The following CHD5 variants were observed in gnomAD, a reference collection of about 807,000 sequenced individuals.
CHD5 encodes the protein ATP-dependent chromatin remodeler CHD5.
In CHD5, 69 loss-of-function variants were observed where a neutral mutation model predicts 230.3. That is an observed-to-expected ratio of 0.30 (90% CI 0.25 to 0.37). CHD5 has a LOEUF of 0.37. Ranked by LOEUF, CHD5 falls within the 10% of genes least tolerant of loss-of-function variation. The probability of loss-of-function intolerance (pLI) is 1.00; values close to 1 mark genes in which losing one functional copy is unlikely to be tolerated. For missense variants in CHD5, 1,827 were observed against 2,622.8 expected, an observed-to-expected ratio of 0.70 and a Z score of 6.63; for synonymous variants, 1,064 against 1,065.9, an observed-to-expected ratio of 1.00 and a Z score of 0.03.
intron 3 of CHD5, among the ~76,000 whole-genome samples, chr1:6,157,858 C>T (rs926479009): frequency 1.3e-5 from 2 of 152,194 alleles, no homozygotes; most frequent in Non-Finnish European, 2.9e-5. Context: ...CCCGCAGCGA[C>T]GATCCGTCTC....
chr1:6,124,419 G>A (rs1666520055), intron 30 of CHD5, 98 bp downstream of exon 30: 19 of 1,403,386 alleles, frequency 1.4e-5, no homozygotes, highest in Non-Finnish European at 1.8e-5. Context: ...TGTGTGGCCT[G>A]AACCAGGCAC....
chr1:6,157,384 T>C (rs1336517784), intron 3 of CHD5, among the ~76,000 whole-genome samples: 1 of 152,228 alleles, frequency 6.6e-6, no homozygotes, highest in Non-Finnish European at 1.5e-5. Context: ...GTGCCTGGCC[T>C]GAGCCCAACA....
rs1221279160 is a variant in CHD5, at chr1:6,146,050, C to G, written c.1802+162G>C. Reference sequence around the variant, plus strand: ...CAGGCAGATCTCCAGCACTGGGAACCCTGGGCCCTTCCTTGTGCCCCTGCT... The same window carrying G: ...CAGGCAGATCTCCAGCACTGGGAACGCTGGGCCCTTCCTTGTGCCCCTGCT... On this transcript the variant is annotated intron_variant, in intron 11 of 41. Coordinates refer to ENST00000262450, the MANE Select transcript of CHD5 (RefSeq NM_015557.3). The surrounding 1 kb of genome is among the most constrained non-coding windows in gnomAD (Gnocchi z 5.1). 6.6e-6 allele frequency among the ~76,000 whole-genome samples: 1 copy of G among 152,174 alleles called. No individual in the cohort carries two copies. Among genetic ancestry groups the G allele is most frequent in the African/African-American group, 2.4e-5 (1 of 41,432 alleles).
Position 6,148,983 on chromosome 1 carries a change from G to A in CHD5, c.1254C>T (p.Phe418=). 1 of 1,608,888 alleles carries A rather than the reference G, an allele frequency of 6.2e-7. No homozygotes were observed. The highest frequency in any genetic ancestry group is 8.5e-7 in the Non-Finnish European group (1 of 1,177,980). Residue 418 remains phenylalanine, a synonymous_variant, in exon 9 of 42, where the codon TTC becomes TTT. Transcript: ENST00000262450. ...CEEEEDDHME[F]CRVCKDGGEL... ...CGCCCCCGTCCTTGCACACGCGGCA[G>A]AACTCCATGTGGTCGTCCTCCTCCT...
intron 15 of CHD5, among the ~76,000 whole-genome samples, chr1:6,141,533 T>A (rs1054797984): frequency 1.3e-5 from 2 of 148,770 alleles, no homozygotes; most frequent in Non-Finnish European, 3.0e-5. Flanking sequence ...GAGAACCACT[T>A]GAGCCCAGGA....
At chr1:6,106,804 T>C (rs1571134466) in intron 38 of CHD5, 25 bp from the exon 39 acceptor site, 2 of 1,569,790 alleles carry the variant, frequency 1.3e-6, no homozygotes, top group Non-Finnish European at 1.7e-6. Flanking sequence ...GGAGGGATGG[T>C]AGGATGCAGG....
intron 15 of CHD5, among the ~76,000 whole-genome samples, chr1:6,137,871 T>G (rs1666768401): frequency 6.6e-6 from 1 of 152,254 alleles, no homozygotes; most frequent in Non-Finnish European, 1.5e-5. Context: ...GGAGCCTCCC[T>G]GGGACAGGTT....
intron 5 of CHD5, among the ~76,000 whole-genome samples, chr1:6,153,541 C>A (rs1667037451): frequency 1.3e-5 from 2 of 152,168 alleles, no homozygotes; most frequent in Admixed American, 1.3e-4. Flanking sequence ...CATCAAAACC[C>A]AAATCAGCCA....
chr1:6,165,678 C>G lies in CHD5; in HGVS notation c.207+2472G>C, dbSNP rs555380716. Among the ~76,000 whole-genome samples the G allele has an allele frequency of 6.6e-5, 10 of 152,146 alleles. 1 individual carries two copies. Among genetic ancestry groups the G allele is most frequent in the African/African-American group, 7.2e-5 (3 of 41,470 alleles). On this transcript the variant is annotated intron_variant, in intron 2 of 41. Transcript: ENST00000262450. ...CTTGCAGCTCCAGAGCCATCTACCC[C>G]ATGCCCAGCACAAAGACCGACCTCT...
rs1666649813 is a variant in CHD5 at position 6,131,090 on chromosome 1, A to G, written c.3262+541T>C. ...CTATTTGCTGCAAACTTGCTACTGA[A>G]GCTTACAGCCGACTGCTTCCCACTC... On this transcript the variant is annotated intron_variant, in intron 21 of 41. Coordinates refer to ENST00000262450, the MANE Select transcript of CHD5 (RefSeq NM_015557.3). The surrounding 1 kb of genome is among the most constrained non-coding windows in gnomAD (Gnocchi z 5.0). Among the ~76,000 whole-genome samples the G allele has an allele frequency of 6.6e-6, 1 of 152,198 alleles. No individual in the cohort carries two copies. Among genetic ancestry groups the G allele is most frequent in the Non-Finnish European group, 1.5e-5 (1 of 68,024 alleles).
At position 6,136,645 on chromosome 1, in the gene CHD5, G is replaced by A. The variant is rs199530088; in HGVS notation, c.2575-7C>T. 3.2e-4 allele frequency: 521 copies of A among 1,613,954 alleles called. 1 individual carries two copies. The highest frequency in any genetic ancestry group is 3.3e-4 in the Middle Eastern group (2 of 6,072). On this transcript the variant is annotated splice_polypyrimidine_tract_variant and splice_region_variant and intron_variant, in intron 16 of 41. Coordinates refer to ENST00000262450, the MANE Select transcript of CHD5 (RefSeq NM_015557.3). Reference sequence around the variant, plus strand: ...TGTTTAAGACCCTAAAAAACTGAGGGGAGGAGAGTGGGGCCTGTCAGGGGG... The same window carrying A: ...TGTTTAAGACCCTAAAAAACTGAGGAGAGGAGAGTGGGGCCTGTCAGGGGG...
In CHD5 at chr1:6,168,256, T is replaced by C. The variant is rs770335903; in HGVS notation, c.101A>G (p.Glu34Gly). 6.2e-7 allele frequency: 1 copy of C among 1,605,470 alleles called. No individual in the cohort carries two copies. The highest frequency in any genetic ancestry group is 1.3e-5 in the African/African-American group (1 of 74,698). The change falls in exon 2 of 42, where the codon GAA (glutamate) becomes GGA (glycine). Residue 34 changes from glutamate to glycine, a missense_variant. Glu to Gly is a moderately conservative substitution (Grantham distance 98). Coordinates refer to ENST00000262450, the MANE Select transcript of CHD5 (RefSeq NM_015557.3). ...CACAGGGAAAAAGTCATCGAAGGCT[T>C]CAAGACCACCATCTTCTTCTTCTGG... ...EMSEEEDGGL[E>G]AFDDFFPVEP... is the part of the protein sequence containing the mutation.
At position 6,111,887 on chromosome 1, in the gene CHD5, G is replaced by A. The variant is rs746136376; in HGVS notation, c.5141-4C>T. The stretch of plus-strand genomic sequence containing the variant: ...TTCTGCCACAGCGTGTGCAACTCTG[G>A]GAAACAAGCCAAGGTGAGCAGGGTG... On this transcript the variant is annotated splice_region_variant and splice_polypyrimidine_tract_variant and intron_variant, in intron 35 of 41. Transcript: ENST00000262450. 9 of 1,612,552 alleles carry A rather than the reference G, an allele frequency of 5.6e-6. 1 individual carries two copies. The South Asian group carries it at 8.8e-5, about 16-fold the overall frequency.
rs187443707 is a variant in CHD5 at position 6,142,245 on chromosome 1, G to T, written c.2319C>A (p.Pro773=). 23 of 1,614,104 alleles carry T rather than the reference G, an allele frequency of 1.4e-5. No homozygotes were observed. The Admixed American group carries it at 3.8e-4, about 27-fold the overall frequency. Residue 773 remains proline, a synonymous_variant, in exon 15 of 42, where the codon CCC becomes CCA. Coordinates refer to ENST00000262450, the MANE Select transcript of CHD5 (RefSeq NM_015557.3). The surrounding 1 kb of genome is among the most constrained non-coding windows in gnomAD (Gnocchi z 5.2). ...NWEREFEMWA[P]DFYVVTYTGD... ...CCGTGTAGGTGACCACGTAGAAGTCGGGCGCCCACATCTCAAACTCGCGTT... is the reference window on the plus strand; with the variant it reads ...CCGTGTAGGTGACCACGTAGAAGTCTGGCGCCCACATCTCAAACTCGCGTT...
chr1:6,178,455 T>C (rs1281474776), intron 1 of CHD5, among the ~76,000 whole-genome samples: 2 of 152,106 alleles, frequency 1.3e-5, no homozygotes, highest in African/African-American at 4.8e-5. Context: ...AACAACTTGC[T>C]GAGAAAACCA....
At chr1:6,174,550 G>A (rs967981322) in intron 1 of CHD5, among the ~76,000 whole-genome samples, 2 of 148,070 alleles carry the variant, frequency 1.4e-5, no homozygotes, top group African/African-American at 5.1e-5. Flanking sequence ...GCAGATGGAT[G>A]GACACTGGAC....
intron 31 of CHD5, among the ~76,000 whole-genome samples, chr1:6,123,412 T>C (rs759595721): frequency 6.6e-6 from 1 of 151,640 alleles, no homozygotes; most frequent in Non-Finnish European, 1.5e-5. Context: ...ACGAATATAC[T>C]AGAAATCACT....
At chr1:6,145,942 A>G (rs550772849) in intron 11 of CHD5, among the ~76,000 whole-genome samples, 49 of 152,308 alleles carry the variant, frequency 3.2e-4, no homozygotes, top group African/African-American at 1.1e-3. Context: ...GCACTAACCC[A>G]GCATGAGGGT....
chr1:6,174,249 A>C (rs1352894103), intron 1 of CHD5, among the ~76,000 whole-genome samples: 2 of 152,286 alleles, frequency 1.3e-5, no homozygotes, highest in East Asian at 3.9e-4. Context: ...AGAGAGAGAC[A>C]GGGAAGGAGA....
Sources: allele counts gnomAD v4.1 joint callset (sites outside exome capture counted in the v4.1 genomes callset), GRCh38; gene constraint gnomAD v4.1.1; non-coding constraint Gnocchi (gnomAD v3.1); transcripts MANE v1.5; gene names NCBI Gene and HGNC (gene_info 2026-07-23, HGNC 2026-07-21).